The following LRRC3B variants were observed in gnomAD, a reference collection of about 807,000 sequenced individuals.
The protein encoded by LRRC3B is leucine-rich repeat-containing protein 3B.
LRRC3B carries 2 observed loss-of-function variants against 12.8 expected under a neutral mutation model. The observed-to-expected ratio is 0.16, with a 90% confidence interval of 0.06 to 0.49. The LOEUF (loss-of-function observed/expected upper bound fraction) is 0.49, where lower values mean the gene tolerates loss of function less well. Ranked by LOEUF, LRRC3B falls within the 20% of genes least tolerant of loss-of-function variation. The pLI, the probability that LRRC3B is intolerant of heterozygous loss-of-function variation, is 0.96. For missense variants in LRRC3B, 189 were observed against 319.4 expected (o/e 0.59, Z 3.11); for synonymous variants, 132 against 122.0 (o/e 1.08, Z -0.54).
chr3:26,637,108 T>C (rs1698918867), intron 1 of LRRC3B, among the ~76,000 whole-genome samples: 1 of 151,452 alleles, frequency 6.6e-6, no homozygotes, highest in Admixed American at 6.6e-5. Context: ...GCAATCCTCC[T>C]GCCTTAGCCT....
At chr3:26,654,849 GAA>G (rs1167980945) in intron 1 of LRRC3B, among the ~76,000 whole-genome samples, 2 of 152,144 alleles carry the variant, frequency 1.3e-5, no homozygotes, top group African/African-American at 4.8e-5. Flanking sequence ...AAAGTGCCTG[GAA>G]AAAAGCAGAA....
intron 1 of LRRC3B, among the ~76,000 whole-genome samples, chr3:26,680,953 A>G (rs369786618): frequency 6.6e-5 from 10 of 152,324 alleles, no homozygotes; most frequent in African/African-American, 2.4e-4. Context: ...GACCAAAGGT[A>G]ACATTGGACA....
chr3:26,641,796 A>C (rs1699037541), intron 1 of LRRC3B, among the ~76,000 whole-genome samples: 1 of 152,182 alleles, frequency 6.6e-6, no homozygotes, highest in African/African-American at 2.4e-5. Flanking sequence ...ATTTTTAAAA[A>C]ATTAAAAAAT....
chr3:26,633,008 T>A (rs1214999100), intron 1 of LRRC3B, among the ~76,000 whole-genome samples: 1 of 152,136 alleles, frequency 6.6e-6, no homozygotes. Flanking sequence ...CATTTTCCCC[T>A]AGAAAGCTGG....
chr3:26,654,351 A>AGAGCT (rs1699327076), intron 1 of LRRC3B, among the ~76,000 whole-genome samples: 1 of 152,198 alleles, frequency 6.6e-6, no homozygotes, highest in Non-Finnish European at 1.5e-5. Flanking sequence ...AATCTCTTAG[A>AGAGCT]GAGCTCTGGA....
chr3:26,669,770 T>C (rs926471041), intron 1 of LRRC3B, among the ~76,000 whole-genome samples: 1 of 152,254 alleles, frequency 6.6e-6, no homozygotes, highest in African/African-American at 2.4e-5. Context: ...AAGATGATTT[T>C]TTTGGATTTC....
At chr3:26,684,213 T>C (rs1700027582) in intron 1 of LRRC3B, among the ~76,000 whole-genome samples, 1 of 152,222 alleles carries the variant, frequency 6.6e-6, no homozygotes, top group African/African-American at 2.4e-5. Flanking sequence ...TCTGATAGTA[T>C]CCAAGGAACC....
At chr3:26,650,127 A>G (rs1699236503) in intron 1 of LRRC3B, among the ~76,000 whole-genome samples, 1 of 152,196 alleles carries the variant, frequency 6.6e-6, no homozygotes, top group African/African-American at 2.4e-5. Context: ...AAAAAACTTA[A>G]AGTCTAAGAC....
chr3:26,686,741 C>A (rs1446423700), intron 1 of LRRC3B, among the ~76,000 whole-genome samples: 1 of 152,034 alleles, frequency 6.6e-6, no homozygotes. Flanking sequence ...TTAAGGAGTA[C>A]CCTTGGGATC....
At chr3:26,710,326 C>G in exon 2 of LRRC3B, 1 of 1,614,038 alleles carries the variant, frequency 6.2e-7, no homozygotes, top group Non-Finnish European at 8.5e-7. Flanking sequence ...CTATGGTGAT[C>G]TCATATGTGG....
intron 1 of LRRC3B, among the ~76,000 whole-genome samples, chr3:26,707,885 C>A (rs1278923279): frequency 6.6e-6 from 1 of 152,092 alleles, no homozygotes; most frequent in Non-Finnish European, 1.5e-5. Context: ...ATGAAATGAT[C>A]TGTTGATGGA....
At chr3:26,632,803 T>C (rs1158512715) in intron 1 of LRRC3B, among the ~76,000 whole-genome samples, 1 of 152,138 alleles carries the variant, frequency 6.6e-6, no homozygotes, top group Non-Finnish European at 1.5e-5. Context: ...CCACAGTCCT[T>C]TGTCACCTGG....
chr3:26,656,903 C>T (rs968407962), intron 1 of LRRC3B, among the ~76,000 whole-genome samples: 3 of 152,120 alleles, frequency 2.0e-5, no homozygotes, highest in South Asian at 2.1e-4. Flanking sequence ...TAGACAAAGA[C>T]CTAGATTTTG....
At chr3:26,663,807 T>C (rs926629349) in intron 1 of LRRC3B, among the ~76,000 whole-genome samples, 1 of 152,164 alleles carries the variant, frequency 6.6e-6, no homozygotes, top group African/African-American at 2.4e-5. Flanking sequence ...TCAGTTACCA[T>C]CTTGCCAGTT....
intron 1 of LRRC3B, among the ~76,000 whole-genome samples, chr3:26,670,857 A>G (rs1559361348): frequency 6.6e-6 from 1 of 152,152 alleles, no homozygotes; most frequent in Non-Finnish European, 1.5e-5. Flanking sequence ...CTCAATAACT[A>G]TTAATGGTTT....
At chr3:26,655,382 G>A (rs947965763) in intron 1 of LRRC3B, among the ~76,000 whole-genome samples, 8 of 152,124 alleles carry the variant, frequency 5.3e-5, no homozygotes, top group Non-Finnish European at 1.2e-4. Context: ...CCTGTGAGAG[G>A]CACCATAATG....
intron 1 of LRRC3B, among the ~76,000 whole-genome samples, chr3:26,706,805 A>C (rs1246942071): frequency 6.6e-6 from 1 of 152,192 alleles, no homozygotes; most frequent in Non-Finnish European, 1.5e-5. Flanking sequence ...GACTTTTCCA[A>C]AGTCCACTAT....
rs552476560 is a variant in LRRC3B at position 26,633,255 on chromosome 3, A to G, written c.-161+10018A>G. On this transcript the variant is annotated intron_variant, in intron 1 of 1. Coordinates refer to ENST00000396641, the Ensembl canonical transcript of LRRC3B. ...TCCAAAGGTAGCCCGACTAAGTTCT[A>G]ATTAGTCGGCCATTTAATAGCTGAG... Among the ~76,000 whole-genome samples the G allele has an allele frequency of 3.9e-5, 6 of 152,216 alleles. No homozygotes were observed. In the East Asian group the frequency reaches 7.7e-4, roughly 20 times the overall value.
At chr3:26,652,794 AAC>A (rs1459090940) in intron 1 of LRRC3B, among the ~76,000 whole-genome samples, 7 of 152,170 alleles carry the variant, frequency 4.6e-5, no homozygotes, top group Non-Finnish European at 7.3e-5. Flanking sequence ...ATAAAATTCT[AAC>A]AGTTATAACA....
Sources: allele counts gnomAD v4.1 joint callset (sites outside exome capture counted in the v4.1 genomes callset), GRCh38; gene constraint gnomAD v4.1.1; transcripts MANE v1.5; gene names NCBI Gene and HGNC (gene_info 2026-07-23, HGNC 2026-07-21).